Variants in P3H1 observed in about 807,000 individuals in gnomAD.
P3H1 encodes prolyl 3-hydroxylase 1.
Under a neutral mutation model 84.0 loss-of-function variants are expected in P3H1, and 69 were observed. The ratio of observed to expected loss-of-function variants is 0.82; its 90% CI spans 0.68 to 1.00. P3H1 has a LOEUF of 1.00. Among genes scored for constraint, P3H1 ranks in the 50% least tolerant of loss-of-function variants. The pLI is 0.00. For synonymous variants in P3H1, 366 were observed against 388.8 expected (o/e 0.94, Z 0.69); for missense variants, 878 against 962.8 (o/e 0.91, Z 1.17).
At chr1:42,748,097 C>A in intron 12 of P3H1, 103 bp downstream of exon 12, 1 of 859,440 alleles carries the variant, frequency 1.2e-6, no homozygotes, top group South Asian at 1.4e-5. Context: ...CAGCTAGCCC[C>A]AACCAGTGTG....
intron 10 of P3H1, among the ~76,000 whole-genome samples, chr1:42,752,061 C>T (rs1021931295): frequency 3.3e-5 from 5 of 152,224 alleles, no homozygotes; most frequent in Non-Finnish European, 5.9e-5. Context: ...ACAGTCTTAT[C>T]CTGCTCACTT....
Position 42,746,700 on chromosome 1 carries a change from T to C in P3H1, c.2208A>G (p.Leu736=), listed in dbSNP as rs1651726164. The change falls in exon 15 of 15, where the codon CTA becomes CTG. Residue 736 remains leucine, a synonymous_variant. Coordinates refer to ENST00000296388, the MANE Select transcript of P3H1 (RefSeq NM_022356.4). ...SGSESKPKDE[L] ...CATCCGTCTGACCTGGACGCTGTCATAGCTCATCCTTGGGCTTCGATTCAC... is the reference window on the plus strand; with the variant it reads ...CATCCGTCTGACCTGGACGCTGTCACAGCTCATCCTTGGGCTTCGATTCAC... 5.2e-6 allele frequency: 8 copies of C among 1,551,308 alleles called. No homozygotes were observed. Among genetic ancestry groups the C allele is most frequent in the Non-Finnish European group, 7.0e-6 (8 of 1,146,734 alleles).
Position 42,755,010 on chromosome 1 carries a change from G to T in P3H1, c.1224-20C>A. ...TCTGACCTATGAGCACAGCCGCTCTGAGGACTGCATTCCAGGGCCAGCCCT... is the reference window on the plus strand; with the variant it reads ...TCTGACCTATGAGCACAGCCGCTCTTAGGACTGCATTCCAGGGCCAGCCCT... On this transcript the variant is annotated intron_variant, in intron 7 of 14. Coordinates refer to ENST00000296388, the MANE Select transcript of P3H1 (RefSeq NM_022356.4). 6.2e-7 allele frequency: 1 copy of T among 1,614,102 alleles called. No individual in the cohort carries two copies. The highest frequency in any genetic ancestry group is 1.1e-5 in the South Asian group (1 of 91,064).
chr1:42,751,731 C>CTT, intron 10 of P3H1: 1 of 178,134 alleles, frequency 5.6e-6, no homozygotes, highest in Non-Finnish European at 1.2e-5. Context: ...GCTTCCCCAG[C>CTT]CACATGGAAC....
chr1:42,746,614 A>G lies in P3H1; in HGVS notation c.*83T>C. 1 of 1,168,466 alleles carries G rather than the reference A, an allele frequency of 8.6e-7. No homozygotes were observed. Among genetic ancestry groups the G allele is most frequent in the Non-Finnish European group, 1.2e-6 (1 of 800,704 alleles). The allele number at this position is 1,168,466 out of a possible 1,614,324, so 72.4% of individuals were successfully genotyped here. ...GGCAGATGTAGGCTCACTGCTCTGC[A>G]GCCCCGAGGGGCTGGCCAGCTCAGA... is the stretch of plus-strand genomic sequence containing the variant. On this transcript the variant is annotated 3_prime_UTR_variant, in exon 15 of 15. Coordinates refer to ENST00000296388, the MANE Select transcript of P3H1 (RefSeq NM_022356.4).
chr1:42,759,787 G>GT (rs1334109943), intron 2 of P3H1, among the ~76,000 whole-genome samples: 1 of 151,726 alleles, frequency 6.6e-6, no homozygotes, highest in African/African-American at 2.4e-5. Flanking sequence ...TCACCATGTT[G>GT]GCCAGGCTGG....
rs1230156603 is a variant in P3H1, at chr1:42,754,914, C to A, written c.1300G>T (p.Glu434Ter). ...LMKEIETLVE[E>*]KTKESLDVSR... is the part of the protein sequence containing the mutation. ...ACATCCAGTGACTCCTTGGTCTTCT[C>A]TTCCACAAGGGTCTCGATTTCCTTC... is the stretch of plus-strand genomic sequence containing the variant. Residue 434 changes from glutamate (E) to a stop codon, truncating the protein, a stop_gained, in exon 8 of 15, where the codon GAG becomes TAG. Transcript: ENST00000296388. LOFTEE classifies it high-confidence loss of function. The surrounding 1 kb of genome is among the most constrained non-coding windows in gnomAD (Gnocchi z 4.0). 2.5e-6 allele frequency: 4 copies of A among 1,614,090 alleles called. No individual in the cohort carries two copies. Among genetic ancestry groups the A allele is most frequent in the Non-Finnish European group, 3.4e-6 (4 of 1,180,044 alleles).
chr1:42,757,637 G>A, intron 5 of P3H1, 146 bp downstream of exon 5: 21 of 1,159,592 alleles, frequency 1.8e-5, no homozygotes, highest in Non-Finnish European at 2.3e-5. Flanking sequence ...ATAACAAGCC[G>A]AGTGACTGAA....
At chr1:42,750,152 C>T (rs370838475) in intron 11 of P3H1, 34 bp downstream of exon 11, 102 of 1,603,952 alleles carry the variant, frequency 6.4e-5, no homozygotes, top group Non-Finnish European at 8.3e-5. Context: ...GTACAGCATG[C>T]GGGGGCGGGT....
chr1:42,751,620 A>T (rs1157789385), intron 10 of P3H1: 1 of 154,382 alleles, frequency 6.5e-6, no homozygotes, highest in Non-Finnish European at 1.4e-5. Flanking sequence ...AAAAATAAAA[A>T]ATAAAAAAAT....
At position 42,746,870 on chromosome 1, in the gene P3H1, T is replaced by C. The variant is rs1410222790; in HGVS notation, c.2056-18A>G. 23 of 1,614,146 alleles carry C rather than the reference T, an allele frequency of 1.4e-5. No homozygotes were observed. Among genetic ancestry groups the C allele is most frequent in the Non-Finnish European group, 1.9e-5 (22 of 1,180,016 alleles). On this transcript the variant is annotated intron_variant, in intron 14 of 14. Coordinates refer to ENST00000296388, the MANE Select transcript of P3H1 (RefSeq NM_022356.4). The stretch of plus-strand genomic sequence containing the variant: ...ACCCTGTCCTGCAAGGACAAACCCC[T>C]GCCCATTCAGAGAGGCCTCCGCTCC...
In P3H1 at chr1:42,766,943, G is replaced by C. The variant is rs766113134; in HGVS notation, c.29C>G (p.Thr10Ser). Residue 10 changes from threonine (T) to serine (S), a missense_variant, in exon 1 of 15, where the codon ACC becomes AGC. Transcript: ENST00000296388. Reference protein sequence around the residue: MAVRALKLLTTLLAVVAAAS... With the variant: MAVRALKLLSTLLAVVAAAS... ...AGCGGCCACGACAGCCAGCAGTGTG[G>C]TCAGCAGCTTCAACGCGCGTACCGC... is the stretch of plus-strand genomic sequence containing the variant. The C allele has an allele frequency of 2.5e-6, 4 of 1,609,402 alleles. No individual in the cohort carries two copies. The highest frequency in any genetic ancestry group is 3.4e-6 in the Non-Finnish European group (4 of 1,179,832).
intron 2 of P3H1, 92 bp from the exon 3 acceptor site, chr1:42,759,482 T>A: frequency 8.8e-7 from 1 of 1,130,896 alleles, no homozygotes; most frequent in Middle Eastern, 2.6e-4. Context: ...CCTAATTTCC[T>A]GTTCCTCAGG....
In P3H1 at chr1:42,766,827, C is replaced by T. The variant is rs1289909154; in HGVS notation, c.145G>A (p.Gly49Arg). Residue 49 changes from glycine (G) to arginine (R), a missense_variant, in exon 1 of 15, where the codon GGG becomes AGG. By Grantham distance (125) the Gly-to-Arg change is moderately radical. Transcript: ENST00000296388. ...FAEGTAAYAR[G>R]DWPGVVLSME... ...CTCAGGACCACCCCGGGCCAGTCCC[C>T]GCGCGCGTAGGCTGCGGTCCCCTCG... 2.5e-6 allele frequency: 4 copies of T among 1,604,262 alleles called. No individual in the cohort carries two copies. In the South Asian group the frequency reaches 4.4e-5, roughly 18 times the overall value.
chr1:42,747,770 C>T lies in P3H1; in HGVS notation c.1867G>A (p.Asp623Asn). The change falls in exon 13 of 15, where the codon GAT becomes AAT. Residue 623 changes from aspartate (D) to asparagine (N), a missense_variant. Coordinates refer to ENST00000296388, the MANE Select transcript of P3H1 (RefSeq NM_022356.4). ...TCAGTGAAATAAAAGTTTCCGCCAT[C>T]GAAGTCCCCATTTAGGTAAAGGATG... is the stretch of plus-strand genomic sequence containing the variant. ...SAILYLNGDFDGGNFYFTELD... is the reference protein window; with the variant it reads ...SAILYLNGDFNGGNFYFTELD... 1.9e-6 allele frequency: 3 copies of T among 1,614,186 alleles called. No individual in the cohort carries two copies. The highest frequency in any genetic ancestry group is 2.5e-6 in the Non-Finnish European group (3 of 1,180,038).
chr1:42,755,350 GT>G (rs1652339157), intron 6 of P3H1, 133 bp from the exon 7 acceptor site: 3 of 1,004,902 alleles, frequency 3.0e-6, no homozygotes, highest in Non-Finnish European at 4.7e-6. Flanking sequence ...AAAATGGGAG[GT>G]TTCCACATCT....
At chr1:42,758,650 C>T (rs141808989) in intron 4 of P3H1, among the ~76,000 whole-genome samples, 63 of 152,296 alleles carry the variant, frequency 4.1e-4, no homozygotes, top group African/African-American at 1.5e-3. Flanking sequence ...GTCTCCCTCC[C>T]CCAGCTTTTT....
chr1:42,756,910 G>A (rs530030738), intron 5 of P3H1, among the ~76,000 whole-genome samples: 1 of 152,348 alleles, frequency 6.6e-6, no homozygotes, highest in Non-Finnish European at 1.5e-5. Context: ...TGGCTGTGAT[G>A]ATTAAATGAG....
rs765614287 is a variant in P3H1, at chr1:42,754,852, T to A, written c.1345+17A>T. On this transcript the variant is annotated intron_variant, in intron 8 of 14. Coordinates refer to ENST00000296388, the MANE Select transcript of P3H1 (RefSeq NM_022356.4). The surrounding 1 kb of genome is among the most constrained non-coding windows in gnomAD (Gnocchi z 4.0). ...CCCTGACAACAGCCAGACATGCCCC[T>A]ATTTCTGTCCTCTCACCTTCCCGGG... The A allele has an allele frequency of 6.2e-7, 1 of 1,614,090 alleles. No homozygotes were observed. The highest frequency in any genetic ancestry group is 2.2e-5 in the East Asian group (1 of 44,878).
Sources: gnomAD v4.1 joint callset for allele counts (sites outside exome capture counted in the v4.1 genomes callset) on GRCh38, gnomAD v4.1.1 for gene constraint, Gnocchi (gnomAD v3.1) non-coding constraint, MANE v1.5 for transcripts, NCBI Gene and HGNC (gene_info 2026-07-23, HGNC 2026-07-21) for gene names.